LPP: variants seen among roughly 807,000 people sequenced by gnomAD.
LPP encodes the protein LIM domain containing preferred translocation partner in lipoma, also known as lipoma-preferred partner.
A neutral mutation model predicts 60.4 loss-of-function variants in LPP; 38 were observed. The observed-to-expected ratio is 0.63, with a 90% CI of 0.49 to 0.83. The LOEUF (loss-of-function observed/expected upper bound fraction) is 0.83. Among genes scored for constraint, LPP ranks in the 40% least tolerant of loss-of-function variants. The pLI, the probability that LPP is intolerant of heterozygous loss-of-function variation, is 0.00. For missense variants in LPP, 902 were observed against 783.6 expected (o/e 1.15, Z -1.80); for synonymous variants, 328 against 290.8 (o/e 1.13, Z -1.30).
At chr3:188,872,586 C>T (rs2152048384) in intron 10 of LPP, 57 bp from the exon 11 acceptor site, 3 of 1,605,320 alleles carry the variant, frequency 1.9e-6, no homozygotes, top group Middle Eastern at 1.7e-4. Context: ...TTTACCTCTG[C>T]GTCCCACCTC....
At chr3:188,583,170 A>G (rs1293772631) in intron 6 of LPP, among the ~76,000 whole-genome samples, 1 of 152,240 alleles carries the variant, frequency 6.6e-6, no homozygotes, top group Non-Finnish European at 1.5e-5. Flanking sequence ...GGACAAAATA[A>G]CCTTTTTTGG....
At chr3:188,770,561 A>G (rs1227620689) in intron 9 of LPP, among the ~76,000 whole-genome samples, 1 of 152,048 alleles carries the variant, frequency 6.6e-6, no homozygotes, top group Non-Finnish European at 1.5e-5. Context: ...ACGGTCTCCT[A>G]AACTACTCTT....
intron 9 of LPP, among the ~76,000 whole-genome samples, chr3:188,830,403 G>A (rs554685809): frequency 1.6e-3 from 241 of 151,386 alleles, no homozygotes; most frequent in Non-Finnish European, 3.0e-3. Flanking sequence ...AGGAGATCAA[G>A]ACCATCCTGG....
intron 3 of LPP, 119 bp from the exon 4 acceptor site, chr3:188,405,993 T>C (rs902810498): frequency 3.8e-6 from 3 of 786,010 alleles, no homozygotes; most frequent in Non-Finnish European, 5.9e-6. Flanking sequence ...TTCACCCTTC[T>C]TTCCAGAGAA....
intron 6 of LPP, among the ~76,000 whole-genome samples, chr3:188,583,173 T>G (rs1183447098): frequency 6.6e-6 from 1 of 152,214 alleles, no homozygotes; most frequent in African/African-American, 2.4e-5. Context: ...CAAAATAACC[T>G]TTTTTGGTTT....
chr3:188,347,139 T>C (rs565801997), intron 3 of LPP, among the ~76,000 whole-genome samples: 6 of 152,276 alleles, frequency 3.9e-5, no homozygotes, highest in African/African-American at 1.4e-4. Context: ...TGGATTTAAA[T>C]CCGGATTTAC....
intron 6 of LPP, among the ~76,000 whole-genome samples, chr3:188,547,365 A>G (rs899697217): frequency 2.0e-5 from 3 of 152,166 alleles, no homozygotes; most frequent in Non-Finnish European, 2.9e-5. Context: ...CAAAACCTCA[A>G]TTAACTAATA....
At chr3:188,591,918 A>G (rs1838800421) in intron 6 of LPP, among the ~76,000 whole-genome samples, 2 of 152,224 alleles carry the variant, frequency 1.3e-5, no homozygotes, top group Admixed American at 6.5e-5. Context: ...TTGCATGTAT[A>G]TTGTATGACT....
chr3:188,727,786 T>C (rs1560121809), intron 8 of LPP, among the ~76,000 whole-genome samples: 1 of 152,106 alleles, frequency 6.6e-6, no homozygotes, highest in African/African-American at 2.4e-5. Context: ...GATGAGAAAA[T>C]TGAGTCTTAG....
At chr3:188,181,602 C>T (rs56337015) in intron 1 of LPP, among the ~76,000 whole-genome samples, 256 of 152,278 alleles carry the variant, frequency 1.7e-3, no homozygotes, top group Non-Finnish European at 2.9e-3. Flanking sequence ...AATTATTTCT[C>T]GCTAGTAAGC....
At chr3:188,768,889 A>T (rs1268541758) in intron 9 of LPP, among the ~76,000 whole-genome samples, 1 of 152,160 alleles carries the variant, frequency 6.6e-6, no homozygotes, top group East Asian at 1.9e-4. Flanking sequence ...AATAAATGGC[A>T]TTCTATTATT....
intron 9 of LPP, among the ~76,000 whole-genome samples, chr3:188,831,649 A>T (rs1757166884): frequency 6.6e-6 from 1 of 152,164 alleles, no homozygotes; most frequent in African/African-American, 2.4e-5. Flanking sequence ...GGTTAAAGAG[A>T]TCTCTCAGTA....
intron 9 of LPP, among the ~76,000 whole-genome samples, chr3:188,849,382 A>C (rs1271133956): frequency 6.6e-6 from 1 of 152,186 alleles, no homozygotes; most frequent in East Asian, 1.9e-4. Flanking sequence ...CTACCACAGC[A>C]AATTGGTGCC....
chr3:188,791,554 A>C (rs1408614294), intron 9 of LPP, among the ~76,000 whole-genome samples: 3 of 147,716 alleles, frequency 2.0e-5, no homozygotes, highest in Non-Finnish European at 4.5e-5. Flanking sequence ...CTCTAGCCTC[A>C]TTTCTTTTTT....
intron 8 of LPP, among the ~76,000 whole-genome samples, chr3:188,734,848 T>C (rs1251037234): frequency 6.6e-6 from 1 of 152,152 alleles, no homozygotes; most frequent in African/African-American, 2.4e-5. Flanking sequence ...ACTGATAGGT[T>C]TGGGGAGCAT....
In LPP at chr3:188,154,221, A is replaced by G. The variant is rs993947480; in HGVS notation, c.-221A>G. 2.6e-5 allele frequency among the ~76,000 whole-genome samples: 4 copies of G among 151,536 alleles called. No homozygotes were observed. The highest frequency in any genetic ancestry group is 5.9e-5 in the Non-Finnish European group (4 of 67,828). ...CGCCGCCGCCGCCGCCGCCACCACC[A>G]CCGCCGCTGCCCCGGCTGCCTCCTC... On this transcript the variant is annotated 5_prime_UTR_variant, in exon 1 of 12. Transcript: ENST00000617246.
At chr3:188,320,558 C>G (rs1413528071) in intron 2 of LPP, among the ~76,000 whole-genome samples, 1 of 152,178 alleles carries the variant, frequency 6.6e-6, no homozygotes, top group Non-Finnish European at 1.5e-5. Context: ...TCGCCCATTC[C>G]TGACAACTAA....
chr3:188,836,638 G>A (rs950836779), intron 9 of LPP, among the ~76,000 whole-genome samples: 31 of 152,272 alleles, frequency 2.0e-4, no homozygotes, highest in African/African-American at 7.0e-4. Context: ...TATTAGATGC[G>A]CTCCCTAGGC....
At chr3:188,614,786 T>C (rs1051734434) in intron 7 of LPP, among the ~76,000 whole-genome samples, 2 of 152,296 alleles carry the variant, frequency 1.3e-5, no homozygotes, top group Non-Finnish European at 2.9e-5. Context: ...GGCTCCACTG[T>C]GACCCATGTT....
Sources: gnomAD v4.1 joint callset for allele counts (sites outside exome capture counted in the v4.1 genomes callset) on GRCh38, gnomAD v4.1.1 for gene constraint, MANE v1.5 for transcripts, NCBI Gene and HGNC (gene_info 2026-07-23, HGNC 2026-07-21) for gene names.